Variants in GALNT9 observed in about 807,000 individuals in gnomAD.
GALNT9 encodes the protein GalNAc transferase 9.
GALNT9 carries 47 observed loss-of-function variants against 63.1 expected under a neutral mutation model. The ratio of observed to expected loss-of-function variants is 0.75; its 90% CI spans 0.59 to 0.95. The LOEUF (loss-of-function observed/expected upper bound fraction) is 0.95, where lower values mean the gene tolerates loss of function less well. Among genes scored for constraint, GALNT9 ranks in the 40% least tolerant of loss-of-function variants. The pLI, the probability that GALNT9 is intolerant of heterozygous loss-of-function variation, is 0.00. For missense variants in GALNT9, 829 were observed against 874.8 expected (o/e 0.95, Z 0.66); for synonymous variants, 396 against 365.7 (o/e 1.08, Z -0.94).
At chr12:132,283,131 GC>G (rs754943154) in intron 2 of GALNT9, 1 of 152,568 alleles carries the variant, frequency 6.6e-6, no homozygotes. Context: ...AACGCACAGG[GC>G]CCCCGCCGGC....
At chr12:132,270,588 A>G (rs1337713836) in intron 2 of GALNT9, among the ~76,000 whole-genome samples, 4 of 152,244 alleles carry the variant, frequency 2.6e-5, no homozygotes, top group African/African-American at 9.6e-5. Context: ...ATTGACTTCA[A>G]TTCTTTCTTT....
chr12:132,311,291 G>A (rs28447369), intron 1 of GALNT9, among the ~76,000 whole-genome samples: 118,145 of 152,082 alleles, frequency 0.78, 46,062 homozygotes, highest in East Asian at 1. Flanking sequence ...CTCTCCCTCC[G>A]TAAACAGGGG....
intron 3 of GALNT9, among the ~76,000 whole-genome samples, chr12:132,261,385 C>T (rs1879378603): frequency 1.4e-5 from 2 of 144,056 alleles, no homozygotes; most frequent in Non-Finnish European, 2.9e-5. Context: ...CAGACAGCAG[C>T]CCATGCTGTG....
intron 1 of GALNT9, among the ~76,000 whole-genome samples, chr12:132,326,646 G>A (rs1555246531): frequency 6.6e-6 from 1 of 152,210 alleles, no homozygotes; most frequent in Non-Finnish European, 1.5e-5. Context: ...AAGCAATCAA[G>A]GCAGGGAAAA....
intron 1 of GALNT9, among the ~76,000 whole-genome samples, chr12:132,294,412 A>G (rs1555243042): frequency 6.6e-6 from 1 of 152,216 alleles, no homozygotes; most frequent in Non-Finnish European, 1.5e-5. Flanking sequence ...GTTAAAACAC[A>G]GCCCACCAGG....
intron 1 of GALNT9, among the ~76,000 whole-genome samples, chr12:132,287,309 G>T (rs1880639391): frequency 6.6e-6 from 1 of 152,202 alleles, no homozygotes; most frequent in African/African-American, 2.4e-5. Flanking sequence ...ACCCGAAACT[G>T]CTCTGATGGT....
Position 132,262,502 on chromosome 12 carries a change from C to G in GALNT9, c.543G>C (p.Gln181His). ...VHSVVNHTPS[Q>H]LLKEVILVDD... ...CCACCAGGATGACCTCCTTGAGGAG[C>G]TGGGAGGGCGTGTGGTTGACCACGC... Residue 181 changes from glutamine to histidine, a missense_variant, in exon 3 of 11, where the codon CAG (glutamine) becomes CAC (histidine). Gln to His is a conservative substitution (Grantham distance 24, BLOSUM62 0). Coordinates refer to ENST00000328957, the MANE Select transcript of GALNT9 (RefSeq NM_001122636.2). The G allele has an allele frequency of 6.4e-7, 1 of 1,551,256 alleles. No homozygotes were observed. Among genetic ancestry groups the G allele is most frequent in the South Asian group, 1.2e-5 (1 of 84,050 alleles).
intron 5 of GALNT9, among the ~76,000 whole-genome samples, chr12:132,250,399 C>T (rs917898254): frequency 1.1e-4 from 16 of 152,188 alleles, no homozygotes; most frequent in African/African-American, 3.1e-4. Flanking sequence ...GTCGAAACAC[C>T]GCAGAGGTGC....
intron 1 of GALNT9, among the ~76,000 whole-genome samples, chr12:132,304,807 G>A (rs1264740554): frequency 3.2e-4 from 12 of 37,966 alleles, no homozygotes; most frequent in Non-Finnish European, 3.4e-4. Context: ...ACCCTCACCT[G>A]GGCACACCCT....
At chr12:132,200,877 C>T in intron 8 of GALNT9, 1 of 521,814 alleles carries the variant, frequency 1.9e-6, no homozygotes, top group Non-Finnish European at 3.4e-6. Context: ...TGTGGGTCTG[C>T]AGGTGCGTGT....
intron 1 of GALNT9, among the ~76,000 whole-genome samples, chr12:132,320,126 C>T (rs1230917313): frequency 6.6e-6 from 1 of 152,264 alleles, no homozygotes; most frequent in African/African-American, 2.4e-5. Flanking sequence ...AGCGACATCC[C>T]CAAGTCCGTG....
Position 132,196,988 on chromosome 12 carries a change from T to G in GALNT9, c.*119A>C, listed in dbSNP as rs1242385074. ...CACCCCGGCCCCTCAGCCTCTGCTG[T>G]CCTGGCCGCACATAGAGCCCTGTCC... On this transcript the variant is annotated 3_prime_UTR_variant, in exon 11 of 11. Transcript: ENST00000328957. The G allele has an allele frequency of 6.5e-7, 1 of 1,529,362 alleles. No homozygotes were observed. Among genetic ancestry groups the G allele is most frequent in the African/African-American group, 1.4e-5 (1 of 72,980 alleles). The allele number at this position is 1,529,362 out of a possible 1,614,324, so 94.7% of individuals were successfully genotyped here.
chr12:132,289,502 C>G (rs1880727970), intron 1 of GALNT9, among the ~76,000 whole-genome samples: 1 of 152,354 alleles, frequency 6.6e-6, no homozygotes, highest in Non-Finnish European at 1.5e-5. Flanking sequence ...TCACGTTACA[C>G]AGCTAAGGGG....
At chr12:132,249,291 G>A (rs1457195954) in intron 5 of GALNT9, among the ~76,000 whole-genome samples, 1 of 152,216 alleles carries the variant, frequency 6.6e-6, no homozygotes, top group East Asian at 1.9e-4. Flanking sequence ...CAGGCCTTGA[G>A]CTTCCCTGAT....
chr12:132,228,598 C>T (rs1877787566), intron 6 of GALNT9, among the ~76,000 whole-genome samples: 1 of 151,202 alleles, frequency 6.6e-6, no homozygotes. Flanking sequence ...TTGCAAAAGC[C>T]ACCCCCCCGG....
At position 132,203,609 on chromosome 12, in the gene GALNT9, T is replaced by C. The variant is rs372708251; in HGVS notation, c.1159A>G (p.Asn387Asp). The C allele has an allele frequency of 1.5e-4, 242 of 1,613,816 alleles. 1 individual carries two copies. The highest frequency in any genetic ancestry group is 8.3e-4 in the South Asian group (76 of 91,076). The part of the protein sequence containing the change: ...HIERTRKPYN[N>D]DIDYYAKRNA... Reference sequence around the variant, plus strand: ...CGCTTGGCATAGTAGTCAATGTCGTTGTTGTAGGGCTTCCTGGTGCGCTCG... The same window carrying C: ...CGCTTGGCATAGTAGTCAATGTCGTCGTTGTAGGGCTTCCTGGTGCGCTCG... The change falls in exon 7 of 11, where the codon AAC (asparagine) becomes GAC (aspartate). Residue 387 changes from asparagine to aspartate, a missense_variant. By Grantham distance (23) the Asn-to-Asp change is conservative. Transcript: ENST00000328957.
Position 132,315,793 on chromosome 12 carries a change from T to G in GALNT9, c.238+13173A>C, listed in dbSNP as rs1868482765. ...GAGCAGAGAGGGCTGAGCCACCCACTCATACTCCCCACCGCGTCACACAGG... is the reference window on the plus strand; with the variant it reads ...GAGCAGAGAGGGCTGAGCCACCCACGCATACTCCCCACCGCGTCACACAGG... On this transcript the variant is annotated intron_variant, in intron 1 of 10. Coordinates refer to ENST00000328957, the MANE Select transcript of GALNT9 (RefSeq NM_001122636.2). This position sits in a 1 kb window ranked among gnomAD's most constrained non-coding sequence, Gnocchi z 6.1. Among the ~76,000 whole-genome samples, 1 of 152,060 alleles carries G rather than the reference T, an allele frequency of 6.6e-6. No homozygotes were observed. Among genetic ancestry groups the G allele is most frequent in the Non-Finnish European group, 1.5e-5 (1 of 68,006 alleles).
At chr12:132,293,062 C>T (rs1185721480) in intron 1 of GALNT9, among the ~76,000 whole-genome samples, 6 of 152,000 alleles carry the variant, frequency 3.9e-5, no homozygotes, top group African/African-American at 2.4e-5. Context: ...GGGGCCAGGG[C>T]TGCCATAATC....
chr12:132,219,739 G>A (rs12320152), intron 6 of GALNT9, among the ~76,000 whole-genome samples: 8,054 of 99,406 alleles, frequency 0.081, 143 homozygotes, highest in African/African-American at 0.11. Context: ...ACACCCGCCC[G>A]GGTAAGGGGA....
Sources: allele counts gnomAD v4.1 joint callset (sites outside exome capture counted in the v4.1 genomes callset), GRCh38; gene constraint gnomAD v4.1.1; non-coding constraint Gnocchi (gnomAD v3.1); transcripts MANE v1.5; gene names NCBI Gene and HGNC (gene_info 2026-07-23, HGNC 2026-07-21).